Variants in GON4L observed in about 807,000 individuals in gnomAD.
GON4L encodes gon-4 like.
GON4L carries 87 observed loss-of-function variants against 211.8 expected under a neutral mutation model. That is an observed-to-expected ratio of 0.41 (90% confidence interval 0.35 to 0.49). The LOEUF is 0.49. GON4L is among the 20% of genes least tolerant of loss of function. The pLI, the probability that GON4L is intolerant of heterozygous loss-of-function variation, is 0.15. For missense variants in GON4L, 2,155 were observed against 2,659.5 expected (o/e 0.81, Z 4.17); for synonymous variants, 875 against 962.6 (o/e 0.91, Z 1.68).
At chr1:155,842,156 G>C (rs1278330728) in intron 2 of GON4L, among the ~76,000 whole-genome samples, 1 of 152,130 alleles carries the variant, frequency 6.6e-6, no homozygotes, top group African/African-American at 2.4e-5. Context: ...GGCACTCTAA[G>C]AATATGAAAA....
At chr1:155,764,024 A>G (rs1486543651) in intron 21 of GON4L, among the ~76,000 whole-genome samples, 2 of 6,446 alleles carry the variant, frequency 3.1e-4, no homozygotes, top group East Asian at 0.5. Flanking sequence ...AAAAACAAAC[A>G]AAAAAAAAAC....
rs147043546 is a variant in GON4L at position 155,800,666 on chromosome 1, A to C, written c.1645+4283T>G. On this transcript the variant is annotated intron_variant, in intron 11 of 31. Transcript: ENST00000368331. The stretch of plus-strand genomic sequence containing the variant: ...CAGGAGTTCGAGACAAGCCTGGCCA[A>C]TATGGTGAAACCCCATCTCTACTAA... 3.8e-3 allele frequency among the ~76,000 whole-genome samples: 578 copies of C among 152,164 alleles called. 3 individuals are homozygous for C. The highest frequency in any genetic ancestry group is 0.034 in the Middle Eastern group (10 of 294).
chr1:155,789,159 A>G (rs993263670), intron 12 of GON4L, among the ~76,000 whole-genome samples: 8 of 151,918 alleles, frequency 5.3e-5, no homozygotes, highest in Non-Finnish European at 1.2e-4. Flanking sequence ...TGGAAGGGGC[A>G]TGAGGAAACT....
chr1:155,847,150 C>T (rs927313206), intron 2 of GON4L, among the ~76,000 whole-genome samples: 6 of 152,198 alleles, frequency 3.9e-5, no homozygotes, highest in African/African-American at 9.6e-5. Flanking sequence ...ACCGTGAGTT[C>T]GAACCCTTCT....
Position 155,809,640 on chromosome 1 carries a change from TTATATA to T in GON4L, c.1452+3988_1452+3993del. On this transcript the variant is annotated intron_variant, in intron 10 of 31. Coordinates refer to ENST00000368331, the MANE Select transcript of GON4L (RefSeq NM_001282860.2). ...TTATATATACTTATAAATTATATAC[TTATATA>T]TACTTATAAATTATATACTTATATA... Among the ~76,000 whole-genome samples, 2 of 66,580 alleles carry T rather than the reference TTATATA, an allele frequency of 3.0e-5. 1 individual carries two copies. Among genetic ancestry groups the T allele is most frequent in the Non-Finnish European group, 5.1e-5 (2 of 39,096 alleles). 43.7% of individuals were successfully genotyped at this position (66,580 alleles called of 152,430 possible).
chr1:155,756,789 G>A (rs1661235684), intron 27 of GON4L, 169 bp downstream of exon 27: 3 of 586,970 alleles, frequency 5.1e-6, no homozygotes. Context: ...GCTGGGCGTG[G>A]TGGCTGGCGC....
In GON4L at chr1:155,793,877, T is replaced by G. The variant is rs570644616; in HGVS notation, c.1747+1173A>C. On this transcript the variant is annotated intron_variant, in intron 12 of 31. Transcript: ENST00000368331. ...TTCCTGCCCCAGCCTCCCAAAGTGC[T>G]GGGATTACAGGTGTAAGCCACCACT... is the stretch of plus-strand genomic sequence containing the variant. Among the ~76,000 whole-genome samples, 4 of 152,334 alleles carry G rather than the reference T, an allele frequency of 2.6e-5. No individual in the cohort carries two copies. In the South Asian group the frequency reaches 8.3e-4, roughly 32 times the overall value.
intron 2 of GON4L, among the ~76,000 whole-genome samples, chr1:155,844,300 C>A (rs986526142): frequency 1.3e-5 from 2 of 152,172 alleles, no homozygotes; most frequent in Non-Finnish European, 2.9e-5. Flanking sequence ...TGTTTACTGA[C>A]TGAAAAAGGT....
chr1:155,798,576 ATTTTTTTTTT>A (rs34273258), intron 11 of GON4L, among the ~76,000 whole-genome samples: 1 of 89,518 alleles, frequency 1.1e-5, no homozygotes, highest in Non-Finnish European at 2.0e-5. Flanking sequence ...CGTCAGGCTA[ATTTTTTTTTT>A]TTTTTTTTTT....
In GON4L at chr1:155,853,585, C is replaced by A. The variant is rs1465903990; in HGVS notation, c.196G>T (p.Asp66Tyr). Residue 66 changes from aspartate to tyrosine, a missense_variant, in exon 2 of 32, where the codon GAT (aspartate) becomes TAT (tyrosine). Asp to Tyr is a radical substitution (Grantham distance 160). Transcript: ENST00000368331. ...TCCATACCAAGCTGATTTCCTGCAT[C>A]CTGCAAAGACTGTACTTCGAAGCCA... ...VAGFEVQSLQ[D>Y]AGNQLGMEDT... The A allele has an allele frequency of 1.9e-6, 3 of 1,614,182 alleles. No homozygotes were observed. The highest frequency in any genetic ancestry group is 1.7e-6 in the Non-Finnish European group (2 of 1,180,004).
chr1:155,766,461 G>A lies in GON4L; in HGVS notation c.3012C>T (p.Leu1004=), dbSNP rs1193886390. Residue 1004 remains leucine (L), a synonymous_variant, in exon 21 of 32, where the codon CTC becomes CTT. Transcript: ENST00000368331. ...RQKRSSVLKP[L]LIQPSPSLQP... ...GGAGAGAGGGGCTGGGTTGGATAAGGAGGGGCTTCAGGACTGATGAACGCT... is the reference window on the plus strand; with the variant it reads ...GGAGAGAGGGGCTGGGTTGGATAAGAAGGGGCTTCAGGACTGATGAACGCT... 1.2e-6 allele frequency: 2 copies of A among 1,614,130 alleles called. No homozygotes were observed. The highest frequency in any genetic ancestry group is 1.7e-6 in the Non-Finnish European group (2 of 1,180,018).
At chr1:155,753,457 A>G in intron 28 of GON4L, 43 bp from the exon 29 acceptor site, 2 of 1,476,218 alleles carry the variant, frequency 1.4e-6, no homozygotes, top group South Asian at 1.1e-5. Context: ...CTGACTGCCT[A>G]TGTCTTTGGT....
chr1:155,766,756 GAA>G, intron 20 of GON4L, 47 bp from the exon 21 acceptor site: 1 of 1,611,162 alleles, frequency 6.2e-7, no homozygotes, highest in Non-Finnish European at 8.5e-7. Flanking sequence ...CAGAATTTGG[GAA>G]AAAGAGGCTT....
At position 155,752,172 on chromosome 1, in the gene GON4L, T is replaced by C. The variant is rs755324560; in HGVS notation, c.6261A>G (p.Thr2087=). The C allele has an allele frequency of 5.0e-6, 8 of 1,613,654 alleles. No individual in the cohort carries two copies. The highest frequency in any genetic ancestry group is 6.8e-6 in the Non-Finnish European group (8 of 1,179,660). Residue 2087 remains threonine (T), a synonymous_variant, in exon 30 of 32, where the codon ACA becomes ACG. Transcript: ENST00000368331. ...WLPSSRARVK[T]RDRTCPVHES... Reference sequence around the variant, plus strand: ...CATGGACAGGGCACGTCCTGTCTCTTGTCTTCACCCGAGCTCTGCTTGAGG... The same window carrying C: ...CATGGACAGGGCACGTCCTGTCTCTCGTCTTCACCCGAGCTCTGCTTGAGG...
intron 19 of GON4L, among the ~76,000 whole-genome samples, chr1:155,768,309 C>A (rs867571342): frequency 4.6e-3 from 512 of 112,486 alleles, no homozygotes; most frequent in Middle Eastern, 0.011. Flanking sequence ...GACTCCGTCT[C>A]AAAAAAAAAA....
At chr1:155,745,127 A>G (rs1660211415), downstream of GON4L, among the ~76,000 whole-genome samples, 1 of 152,272 alleles carries the variant, frequency 6.6e-6, no homozygotes, top group South Asian at 2.1e-4. Context: ...TCAGCAGAAT[A>G]TATTCATTCT....
chr1:155,763,916 T>C (rs1250588578), intron 21 of GON4L, among the ~76,000 whole-genome samples: 1 of 151,662 alleles, frequency 6.6e-6, no homozygotes, highest in African/African-American at 2.4e-5. Context: ...GGCATGAGAA[T>C]TGCTTGAACC....
chr1:155,784,973 G>A (rs1664800132), intron 13 of GON4L: 2 of 358,124 alleles, frequency 5.6e-6, no homozygotes, highest in South Asian at 2.2e-5. Flanking sequence ...AGCTGGGTGT[G>A]TTGGTATGTC....
At chr1:155,822,249 TC>T in intron 4 of GON4L, 36 bp downstream of exon 4, 1 of 1,517,626 alleles carries the variant, frequency 6.6e-7, no homozygotes, top group African/African-American at 1.4e-5. Context: ...ATGAAAAAGT[TC>T]CCTTCCATTT....
Sources: gnomAD v4.1 joint callset for allele counts (sites outside exome capture counted in the v4.1 genomes callset) on GRCh38, gnomAD v4.1.1 for gene constraint, MANE v1.5 for transcripts, NCBI Gene and HGNC (gene_info 2026-07-23, HGNC 2026-07-21) for gene names.